NEBL: variants seen among roughly 807,000 people sequenced by gnomAD.
The protein encoded by NEBL is nebulette, also known as LIM and SH3 protein 2.
A neutral mutation model predicts 140.2 loss-of-function variants in NEBL; 122 were observed. That is an observed-to-expected ratio of 0.87 (90% CI 0.75 to 1.01). The LOEUF is 1.01. Among genes scored for constraint, NEBL ranks in the 50% least tolerant of loss-of-function variants. The pLI is 0.00. For missense variants in NEBL, 1,365 were observed against 1,231.3 expected (o/e 1.11, Z -1.62); for synonymous variants, 436 against 398.9 (o/e 1.09, Z -1.11).
chr10:20,994,260 G>A (rs1837579621), intron 3 of NEBL, among the ~76,000 whole-genome samples: 2 of 152,144 alleles, frequency 1.3e-5, no homozygotes, highest in South Asian at 4.1e-4. Flanking sequence ...CTCTCCATGT[G>A]TAGTCAATTT....
At chr10:20,948,975 A>T (rs1835310575) in intron 4 of NEBL, among the ~76,000 whole-genome samples, 1 of 152,216 alleles carries the variant, frequency 6.6e-6, no homozygotes, top group Non-Finnish European at 1.5e-5. Context: ...CACTCTACAC[A>T]TACGTGGCAA....
chr10:20,922,904 C>T (rs529212211), intron 4 of NEBL, among the ~76,000 whole-genome samples: 9 of 152,278 alleles, frequency 5.9e-5, no homozygotes, highest in African/African-American at 2.2e-4. Flanking sequence ...ATACCAAACA[C>T]ACAGAAACCG....
rs372895899 is a variant in NEBL, at chr10:20,966,011, A to G, written c.250-4232T>C. On this transcript the variant is annotated intron_variant, in intron 3 of 6. Coordinates refer to the NEBL transcript ENST00000417816. ...AAGTAACACAGTCTTATCTCCCTAC[A>G]GTCTTATCCCTTCAAGACTGAAGAA... is the stretch of plus-strand genomic sequence containing the variant. 2.6e-5 allele frequency among the ~76,000 whole-genome samples: 4 copies of G among 152,334 alleles called. 1 individual carries two copies. The South Asian group carries it at 8.3e-4, about 32-fold the overall frequency.
intron 2 of NEBL, among the ~76,000 whole-genome samples, chr10:21,154,982 C>T (rs909122256): frequency 3.9e-5 from 6 of 152,014 alleles, no homozygotes; most frequent in African/African-American, 7.2e-5. Context: ...GGGTGGATCA[C>T]GAGGTCAGGA....
intron 4 of NEBL, among the ~76,000 whole-genome samples, chr10:20,945,321 A>C (rs753546246): frequency 1.3e-5 from 2 of 151,668 alleles, no homozygotes; most frequent in Non-Finnish European, 2.9e-5. Context: ...AAAAATTCCC[A>C]CTCTTAACAC....
intron 2 of NEBL, among the ~76,000 whole-genome samples, chr10:21,250,633 G>T (rs1414980701): frequency 6.6e-6 from 1 of 152,086 alleles, no homozygotes; most frequent in Middle Eastern, 3.4e-3. Flanking sequence ...AAACCTGGCC[G>T]GGCTCGGTGG....
At chr10:21,250,487 AC>A (rs1842573626) in intron 2 of NEBL, among the ~76,000 whole-genome samples, 1 of 152,102 alleles carries the variant, frequency 6.6e-6, no homozygotes, top group African/African-American at 2.4e-5. Flanking sequence ...TACTTAATAA[AC>A]CACCCTTTAT....
At chr10:21,107,262 GT>G (rs1405852680) in intron 2 of NEBL, among the ~76,000 whole-genome samples, 4 of 152,144 alleles carry the variant, frequency 2.6e-5, no homozygotes, top group Non-Finnish European at 5.9e-5. Context: ...TCTTGTGACG[GT>G]TTTCAAAGGG....
chr10:21,107,655 T>G (rs1178321276), intron 2 of NEBL, among the ~76,000 whole-genome samples: 1 of 152,202 alleles, frequency 6.6e-6, no homozygotes, highest in Non-Finnish European at 1.5e-5. Flanking sequence ...TCTTCCAGGC[T>G]TTGGTATCAG....
chr10:20,785,708 G>A lies in NEBL; in HGVS notation c.*39C>T. On this transcript the variant is annotated 3_prime_UTR_variant, in exon 28 of 28. Transcript: ENST00000377122. ...TATCTTTTAAAAAGATTAGGTTTGG[G>A]ATACATTAGAATAAAGCTCAAAGGG... 1.3e-6 allele frequency: 2 copies of A among 1,598,452 alleles called. No individual in the cohort carries two copies. The highest frequency in any genetic ancestry group is 2.2e-5 in the South Asian group (2 of 89,664).
intron 4 of NEBL, among the ~76,000 whole-genome samples, chr10:20,926,479 G>A (rs75803264): frequency 6.6e-6 from 1 of 152,260 alleles, no homozygotes; most frequent in African/African-American, 2.4e-5. Context: ...TGTGCCTGAT[G>A]CTCTGCCTAT....
chr10:21,114,869 T>C (rs1260348549), intron 2 of NEBL, among the ~76,000 whole-genome samples: 2 of 151,980 alleles, frequency 1.3e-5, no homozygotes, highest in African/African-American at 4.8e-5. Context: ...TGTCTTTTAA[T>C]TGACAGAGTT....
chr10:21,288,765 A>AG, intron 1 of NEBL, among the ~76,000 whole-genome samples: 1 of 135,266 alleles, frequency 7.4e-6, no homozygotes, highest in African/African-American at 2.7e-5. Context: ...ATCGCCAAAA[A>AG]AAAAAAAAAG....
In NEBL at chr10:21,239,813, A is replaced by C. The variant is rs11012608; in HGVS notation, n.348+8108T>G. Among the ~76,000 whole-genome samples the C allele has an allele frequency of 5.4e-3, 826 of 151,978 alleles. 6 individuals carry two copies. Among genetic ancestry groups the C allele is most frequent in the African/African-American group, 0.019 (774 of 41,430 alleles). ...GGGCGGATTACAAGGTCAGGAGATC[A>C]AGACCATCCTAGCTAACATGGTGAA... On this transcript the variant is annotated intron_variant and non_coding_transcript_variant, in intron 3 of 8. Transcript: ENST00000675702.
intron 3 of NEBL, among the ~76,000 whole-genome samples, chr10:21,226,249 A>G (rs566875930): frequency 6.6e-5 from 10 of 151,852 alleles, no homozygotes; most frequent in African/African-American, 2.2e-4. Context: ...CTGAGCTGGT[A>G]TCCAATTGCA....
intron 4 of NEBL, among the ~76,000 whole-genome samples, chr10:20,907,374 C>A (rs933929074): frequency 6.6e-6 from 1 of 152,052 alleles, no homozygotes; most frequent in Admixed American, 6.6e-5. Context: ...TATCTTGTTT[C>A]ATTAATGAAA....
intron 3 of NEBL, among the ~76,000 whole-genome samples, chr10:21,202,169 G>T (rs561960537): frequency 2.6e-5 from 4 of 152,150 alleles, no homozygotes; most frequent in South Asian, 2.1e-4. Flanking sequence ...GTTAGGTGGG[G>T]TTTTTTTAAT....
intron 2 of NEBL, among the ~76,000 whole-genome samples, chr10:21,109,689 T>C (rs534245421): frequency 6.6e-6 from 1 of 152,276 alleles, no homozygotes; most frequent in South Asian, 2.1e-4. Flanking sequence ...TTGTTGTTGG[T>C]CTATTCAGAG....
chr10:20,966,625 G>A (rs1836329081), intron 3 of NEBL, among the ~76,000 whole-genome samples: 1 of 152,214 alleles, frequency 6.6e-6, no homozygotes, highest in Non-Finnish European at 1.5e-5. Context: ...CATGCAGGGT[G>A]ACAGCCTGGA....
Sources: allele counts gnomAD v4.1 joint callset (sites outside exome capture counted in the v4.1 genomes callset), GRCh38; gene constraint gnomAD v4.1.1; transcripts MANE v1.5; gene names NCBI Gene and HGNC (gene_info 2026-07-23, HGNC 2026-07-21).